Variants in KLHL3 observed in about 807,000 individuals in gnomAD.
KLHL3 encodes kelch-like protein 3.
A neutral mutation model predicts 70.5 loss-of-function variants in KLHL3; 19 were observed. The ratio of observed to expected loss-of-function variants is 0.27; its 90% CI spans 0.19 to 0.40. The LOEUF (loss-of-function observed/expected upper bound fraction) is 0.40, where lower values mean the gene tolerates loss of function less well. KLHL3 is among the 10% of genes least tolerant of loss of function. KLHL3 has a pLI of 1.00. For synonymous variants in KLHL3, 258 were observed against 290.3 expected (o/e 0.89, Z 1.13); for missense variants, 512 against 771.1 (o/e 0.66, Z 3.98).
At chr5:137,698,809 A>G (rs1453676029) in intron 3 of KLHL3, among the ~76,000 whole-genome samples, 1 of 152,252 alleles carries the variant, frequency 6.6e-6, no homozygotes, top group African/African-American at 2.4e-5. Flanking sequence ...AACAGAGGTG[A>G]TAAGAGCTTA....
chr5:137,705,769 T>C (rs1352511959), intron 3 of KLHL3, among the ~76,000 whole-genome samples: 1 of 152,200 alleles, frequency 6.6e-6, no homozygotes, highest in Non-Finnish European at 1.5e-5. Flanking sequence ...AATACTACAG[T>C]ATACAGAAGC....
At chr5:137,641,435 C>A (rs1203763378) in intron 8 of KLHL3, among the ~76,000 whole-genome samples, 1 of 152,164 alleles carries the variant, frequency 6.6e-6, no homozygotes, top group African/African-American at 2.4e-5. Context: ...GCTGCTGCCA[C>A]TCTAGGGTTC....
At chr5:137,634,233 C>A in intron 11 of KLHL3, 68 bp from the exon 12 acceptor site, 1 of 1,512,562 alleles carries the variant, frequency 6.6e-7, no homozygotes, top group Non-Finnish European at 8.8e-7. Context: ...TCAGCTGAAA[C>A]CCTATCTGCA....
At chr5:137,715,087 A>G (rs565895982) in intron 2 of KLHL3, among the ~76,000 whole-genome samples, 8 of 152,326 alleles carry the variant, frequency 5.3e-5, no homozygotes, top group African/African-American at 1.7e-4. Flanking sequence ...GTCAGGAGTA[A>G]GAGTCACTAG....
intron 7 of KLHL3, 89 bp from the exon 8 acceptor site, chr5:137,658,369 C>A (rs1261758790): frequency 1.7e-6 from 2 of 1,199,780 alleles, no homozygotes; most frequent in African/African-American, 3.0e-5. Context: ...TCCTGCACTC[C>A]CACACTCATT....
Position 137,632,788 on chromosome 5 carries a change from A to G in KLHL3, c.1450+1249T>C, listed in dbSNP as rs1318514179. Among the ~76,000 whole-genome samples, 3 of 152,326 alleles carry G rather than the reference A, an allele frequency of 2.0e-5. No homozygotes were observed. The East Asian group carries it at 5.8e-4, about 29-fold the overall frequency. ...AACAAAGGATTAATGTTCAGAATAT[A>G]CAAGGAACTCCAACAACTCAACAAG... On this transcript the variant is annotated intron_variant, in intron 12 of 14. Transcript: ENST00000309755.
chr5:137,624,870 C>G (rs1750416337), intron 14 of KLHL3, among the ~76,000 whole-genome samples: 1 of 152,178 alleles, frequency 6.6e-6, no homozygotes, highest in South Asian at 2.1e-4. Flanking sequence ...CACCCCTGCC[C>G]CTGCTACTCA....
At chr5:137,715,414 T>A (rs979930959) in intron 2 of KLHL3, among the ~76,000 whole-genome samples, 2 of 152,330 alleles carry the variant, frequency 1.3e-5, no homozygotes, top group East Asian at 3.9e-4. Flanking sequence ...TCCATAAGTA[T>A]ACCCAGCCTC....
intron 3 of KLHL3, among the ~76,000 whole-genome samples, chr5:137,702,084 G>T (rs891681611): frequency 2.6e-5 from 4 of 152,242 alleles, no homozygotes; most frequent in African/African-American, 9.6e-5. Flanking sequence ...GAATACAGTG[G>T]TTAACAAGTC....
chr5:137,698,868 A>T (rs1189197853), intron 3 of KLHL3, among the ~76,000 whole-genome samples: 4 of 152,246 alleles, frequency 2.6e-5, no homozygotes, highest in Non-Finnish European at 4.4e-5. Context: ...AATAAGTAAC[A>T]TTTCTTGAGA....
intron 8 of KLHL3, among the ~76,000 whole-genome samples, chr5:137,652,083 C>T (rs186955272): frequency 3.3e-5 from 5 of 151,944 alleles, no homozygotes; most frequent in African/African-American, 1.2e-4. Context: ...ATCCATAGGC[C>T]TAAGTGTAAA....
At chr5:137,716,588 A>T (rs776069540) in intron 2 of KLHL3, among the ~76,000 whole-genome samples, 1 of 152,194 alleles carries the variant, frequency 6.6e-6, no homozygotes, top group Non-Finnish European at 1.5e-5. Flanking sequence ...ATGAATATTT[A>T]TGAAAGGAGA....
intron 1 of KLHL3, among the ~76,000 whole-genome samples, chr5:137,732,795 T>G (rs1753199492): frequency 6.6e-6 from 1 of 152,180 alleles, no homozygotes; most frequent in Admixed American, 6.5e-5. Context: ...ACCTTACACA[T>G]ATTGTACCAT....
Position 137,735,826 on chromosome 5 carries a change from G to A in KLHL3, c.-180C>T. On this transcript the variant is annotated 5_prime_UTR_variant, in exon 1 of 15. Transcript: ENST00000309755. ...TCCTTCCTCTGACTTACTCGCAGCA[G>A]CTTCTACCGCAAAAGCAGCAGCAAC... 1 of 761,354 alleles carries A rather than the reference G, an allele frequency of 1.3e-6. No individual in the cohort carries two copies. The highest frequency in any genetic ancestry group is 2.3e-6 in the Non-Finnish European group (1 of 442,558). 47.2% of individuals were successfully genotyped at this position (761,354 alleles called of 1,614,324 possible).
chr5:137,708,784 G>T (rs1455235966), intron 3 of KLHL3, among the ~76,000 whole-genome samples: 4 of 152,278 alleles, frequency 2.6e-5, no homozygotes, highest in South Asian at 4.1e-4. Flanking sequence ...GGAGACATTT[G>T]CAGGATAAAA....
At chr5:137,698,524 G>A in intron 3 of KLHL3, 116 bp from the exon 4 acceptor site, 3 of 1,138,784 alleles carry the variant, frequency 2.6e-6, no homozygotes, top group Non-Finnish European at 3.8e-6. Context: ...GGCTCCAGGA[G>A]GCAGCAGAAG....
chr5:137,625,989 C>T, intron 13 of KLHL3, 93 bp from the exon 14 acceptor site: 1 of 1,465,578 alleles, frequency 6.8e-7, no homozygotes, highest in Non-Finnish European at 9.4e-7. Flanking sequence ...GCCTGGGAGG[C>T]TCTTTTCCTC....
At chr5:137,722,178 TAGAGTATATTTC>T (rs1212257508) in intron 1 of KLHL3, among the ~76,000 whole-genome samples, 1 of 152,240 alleles carries the variant, frequency 6.6e-6, no homozygotes, top group African/African-American at 2.4e-5. Flanking sequence ...TTCTATGCTT[TAGAGTATATTTC>T]AGAGGCCTGA....
chr5:137,652,600 G>T (rs1263127051), intron 8 of KLHL3, among the ~76,000 whole-genome samples: 1 of 152,188 alleles, frequency 6.6e-6, no homozygotes, highest in Non-Finnish European at 1.5e-5. Flanking sequence ...CTCATACGCG[G>T]AATCTAAAAA....
Sources: gnomAD v4.1 joint callset for allele counts (sites outside exome capture counted in the v4.1 genomes callset) on GRCh38, gnomAD v4.1.1 for gene constraint, MANE v1.5 for transcripts, NCBI Gene and HGNC (gene_info 2026-07-23, HGNC 2026-07-21) for gene names.